Variants in ASB11 observed in about 807,000 individuals in gnomAD.
ASB11 encodes the protein ankyrin repeat and SOCS box protein 11.
In ASB11, 17 loss-of-function variants were observed where a neutral mutation model predicts 20.1. That is an observed-to-expected ratio of 0.85 (90% CI 0.58 to 1.27). The LOEUF is 1.27. Among genes scored for constraint, ASB11 ranks in the 50% most tolerant of loss-of-function variants. The probability of loss-of-function intolerance (pLI) is 0.00; values close to 1 mark genes in which losing one functional copy is unlikely to be tolerated. For missense variants in ASB11, 259 were observed against 256.9 expected (o/e 1.01, Z -0.06); for synonymous variants, 107 against 105.6 (o/e 1.01, Z -0.08).
intron 2 of ASB11, among the ~76,000 whole-genome samples, chrX:15,301,891 A>G (rs1921079964): frequency 8.9e-6 from 1 of 112,133 alleles, no homozygotes; most frequent in Non-Finnish European, 1.9e-5. Context: ...TCATTGGGAT[A>G]GGCAGCCTCT....
Position 15,283,601 on chromosome X carries a change from G to A in ASB11, c.876C>T (p.Arg292=), listed in dbSNP as rs1476039640. Residue 292 remains arginine (R), a synonymous_variant, in exon 7 of 7, where the codon CGC becomes CGT. Transcript: ENST00000480796. ...EGPPALSQLC[R]LCVRKCLGRA... Reference sequence around the variant, plus strand: ...GACCGAGACACTTCCGGACACACAGGCGGCAGAGCTGGGAAAGAGCAGGTG... The same window carrying A: ...GACCGAGACACTTCCGGACACACAGACGGCAGAGCTGGGAAAGAGCAGGTG... 1.1e-5 allele frequency: 13 copies of A among 1,207,890 alleles called. No individual in the cohort carries two copies. Among genetic ancestry groups the A allele is most frequent in the Non-Finnish European group, 1.3e-5 (12 of 894,132 alleles).
chrX:15,304,314 G>C (rs1358476698), intron 1 of ASB11, among the ~76,000 whole-genome samples: 1 of 112,539 alleles, frequency 8.9e-6, no homozygotes, highest in African/African-American at 3.2e-5. Context: ...GAAACTCAAT[G>C]TATGAACTTC....
At chrX:15,311,809 T>G (rs1015954674) in intron 1 of ASB11, among the ~76,000 whole-genome samples, 2 of 111,245 alleles carry the variant, frequency 1.8e-5, no homozygotes, top group Non-Finnish European at 3.8e-5. Context: ...TTAAGCAATT[T>G]ATTATTTGTT....
At chrX:15,315,346 C>T (rs904871503) in intron 1 of ASB11, 79 bp downstream of exon 1, 1 of 851,379 alleles carries the variant, frequency 1.2e-6, no homozygotes, top group Non-Finnish European at 1.5e-6. Flanking sequence ...ATATAATCTG[C>T]CTTCCAGAAA....
intron 4 of ASB11, among the ~76,000 whole-genome samples, chrX:15,290,736 CAT>C (rs1161441704): frequency 1.8e-5 from 2 of 112,096 alleles, no homozygotes; most frequent in Non-Finnish European, 3.8e-5. Context: ...TTGTAGATAA[CAT>C]AAAAGTAAGC....
At chrX:15,308,225 C>G (rs1358587251) in intron 1 of ASB11, among the ~76,000 whole-genome samples, 1 of 112,253 alleles carries the variant, frequency 8.9e-6, no homozygotes, top group East Asian at 2.8e-4. Context: ...GGGCTTACAC[C>G]CATGTACCTT....
intron 6 of ASB11, among the ~76,000 whole-genome samples, chrX:15,284,976 C>A (rs184674352): frequency 2.7e-5 from 3 of 111,091 alleles, no homozygotes; most frequent in East Asian, 5.6e-4. Flanking sequence ...CCTGGAGGAC[C>A]AAACAATCGA....
At chrX:15,296,472 CAAA>C (rs1920966042) in intron 3 of ASB11, among the ~76,000 whole-genome samples, 1 of 111,369 alleles carries the variant, frequency 9.0e-6, no homozygotes, top group African/African-American at 3.3e-5. Context: ...AAATTAGAAA[CAAA>C]GAACATCTGG....
chrX:15,305,971 C>G (rs1268380704), intron 1 of ASB11, among the ~76,000 whole-genome samples: 5 of 111,461 alleles, frequency 4.5e-5, no homozygotes, highest in Non-Finnish European at 9.4e-5. Context: ...TTCCCCTCTA[C>G]GTGTCCATGT....
rs745475931 is a variant in ASB11 at position 15,315,515 on chromosome X, A to T, written c.91T>A (p.Phe31Ile). 8.4e-7 allele frequency: 1 copy of T among 1,193,561 alleles called. No homozygotes were observed. The highest frequency in any genetic ancestry group is 1.1e-6 in the Non-Finnish European group (1 of 888,116). The change falls in exon 1 of 7, where the codon TTT (phenylalanine) becomes ATT (isoleucine). Residue 31 changes from phenylalanine (F) to isoleucine (I), a missense_variant. Coordinates refer to ENST00000480796, the MANE Select transcript of ASB11 (RefSeq NM_080873.3). The stretch of plus-strand genomic sequence containing the variant: ...TAGAAATGGGTTAGGAGAGCCAAAA[A>T]AACTTTAATTAAAAGCTTAAAGAAA... Reference protein sequence around the residue: ...FFFFKLLIKVFLALLTHFYIV... With the variant: ...FFFFKLLIKVILALLTHFYIV...
intron 3 of ASB11, 98 bp from the exon 4 acceptor site, chrX:15,293,418 G>T: frequency 1.0e-6 from 1 of 958,476 alleles, no homozygotes; most frequent in Non-Finnish European, 1.4e-6. Flanking sequence ...AATTCCCCAC[G>T]CTGGTGAATA....
chrX:15,289,711 T>C, intron 4 of ASB11, 73 bp from the exon 5 acceptor site: 1 of 1,115,542 alleles, frequency 9.0e-7, no homozygotes, highest in South Asian at 2.1e-5. Flanking sequence ...GGATTGCTTA[T>C]CTGAAATGGG....
intron 6 of ASB11, among the ~76,000 whole-genome samples, chrX:15,286,507 A>G (rs1927388637): frequency 9.2e-6 from 1 of 108,896 alleles, no homozygotes; most frequent in African/African-American, 3.4e-5. Context: ...TCTACTAAAA[A>G]TACAAAAATT....
chrX:15,305,472 AGGACCGTT>A (rs1290229380), intron 1 of ASB11, among the ~76,000 whole-genome samples: 1 of 111,743 alleles, frequency 8.9e-6, no homozygotes, highest in Non-Finnish European at 1.9e-5. Flanking sequence ...GGACATTATT[AGGACCGTT>A]GGCTAAACAT....
rs1213485510 is a variant in ASB11 at position 15,309,733 on chromosome X, T to G, written c.181+5692A>C. ...CTGTAATCCCAGCACTTTGGGAGACTGAGGCGGGTGGATCACGAGGTCAGG... is the reference window on the plus strand; with the variant it reads ...CTGTAATCCCAGCACTTTGGGAGACGGAGGCGGGTGGATCACGAGGTCAGG... On this transcript the variant is annotated intron_variant, in intron 1 of 6. Coordinates refer to ENST00000480796, the MANE Select transcript of ASB11 (RefSeq NM_080873.3). 2.7e-5 allele frequency among the ~76,000 whole-genome samples: 3 copies of G among 109,131 alleles called. No homozygotes were observed. In the South Asian group the frequency reaches 1.2e-3, roughly 43 times the overall value. The allele number at this position is 109,131 out of a possible 115,157, so 94.8% of individuals were successfully genotyped here.
chrX:15,297,597 C>T lies in ASB11; in HGVS notation c.346G>A (p.Ala116Thr). ...CLGGHVACAK[A>T]LLENGAHVNG... ...ACGTGTGCACCATTTTCCAATAAGG[C>T]TTTGGCACAGGCCACGTGACCTCCA... is the stretch of plus-strand genomic sequence containing the variant. The change falls in exon 3 of 7, where the codon GCC (alanine) becomes ACC (threonine). Residue 116 changes from alanine (A) to threonine (T), a missense_variant. Physicochemically the swap from Ala to Thr is moderately conservative, Grantham distance 58. Coordinates refer to ENST00000480796, the MANE Select transcript of ASB11 (RefSeq NM_080873.3). 2 of 1,202,442 alleles carry T rather than the reference C, an allele frequency of 1.7e-6. No individual in the cohort carries two copies. Among genetic ancestry groups the T allele is most frequent in the Non-Finnish European group, 2.2e-6 (2 of 891,005 alleles).
intron 2 of ASB11, among the ~76,000 whole-genome samples, chrX:15,298,840 C>T (rs1920994094): frequency 8.9e-6 from 1 of 112,028 alleles, no homozygotes. Context: ...TGTGGAGTAG[C>T]AGCACTGCTT....
At chrX:15,309,967 C>CAAAAAAAAAAAAAA (rs60765469) in intron 1 of ASB11, among the ~76,000 whole-genome samples, 683 of 15,484 alleles carry the variant, frequency 0.044, 118 homozygotes, top group Non-Finnish European at 0.058. Flanking sequence ...GACTCCGTCT[C>CAAAAAAAAAAAAAA]AAAAAAAAAA....
intron 3 of ASB11, among the ~76,000 whole-genome samples, chrX:15,294,505 G>A (rs1196535486): frequency 9.0e-6 from 1 of 110,867 alleles, no homozygotes; most frequent in Non-Finnish European, 1.9e-5. Flanking sequence ...TGAGCAGCTG[G>A]GACTACAGGC....
Sources: gnomAD v4.1 joint callset for allele counts (sites outside exome capture counted in the v4.1 genomes callset) on GRCh38, gnomAD v4.1.1 for gene constraint, MANE v1.5 for transcripts, NCBI Gene and HGNC (gene_info 2026-07-23, HGNC 2026-07-21) for gene names.